The following QRICH2 variants were observed in gnomAD, a reference collection of about 807,000 sequenced individuals.
QRICH2 encodes the protein glutamine rich 2, also known as glutamine-rich protein 2.
In QRICH2, 119 loss-of-function variants were observed where a neutral mutation model predicts 168.3. The ratio of observed to expected loss-of-function variants is 0.71; its 90% CI spans 0.61 to 0.82. QRICH2 has a LOEUF of 0.82. Ranked by LOEUF, QRICH2 falls within the 40% of genes least tolerant of loss-of-function variation. QRICH2 has a pLI of 0.00. For synonymous variants in QRICH2, 894 were observed against 951.2 expected, an observed-to-expected ratio of 0.94 and a Z score of 1.11; for missense variants, 2,241 against 2,491.6, an observed-to-expected ratio of 0.90 and a Z score of 2.14.
At chr17:76,286,389 C>T (rs1472509370) in intron 7 of QRICH2, among the ~76,000 whole-genome samples, 1 of 152,194 alleles carries the variant, frequency 6.6e-6, no homozygotes, top group Non-Finnish European at 1.5e-5. Context: ...GTGAAAGAAG[C>T]CAGATACAAA....
At chr17:76,288,710 A>C (rs893466927) in intron 5 of QRICH2, among the ~76,000 whole-genome samples, 1 of 145,628 alleles carries the variant, frequency 6.9e-6, no homozygotes, top group African/African-American at 2.5e-5. Flanking sequence ...GTCTCAATTT[A>C]AAAAAAAAAA....
intron 3 of QRICH2, among the ~76,000 whole-genome samples, chr17:76,304,030 C>T (rs1417395785): frequency 6.6e-6 from 1 of 152,112 alleles, no homozygotes; most frequent in Non-Finnish European, 1.5e-5. Context: ...CAAATAAAAA[C>T]TACACTCAGG....
rs372719249 is a variant in QRICH2 at position 76,293,562 on chromosome 17, G to T, written c.1165C>A (p.Arg389Ser). 6.2e-7 allele frequency: 1 copy of T among 1,614,076 alleles called. No individual in the cohort carries two copies. Among genetic ancestry groups the T allele is most frequent in the African/African-American group, 1.3e-5 (1 of 74,936 alleles). Reference protein sequence around the residue: ...SQSQVHLRPDRRGLEPTGMNQ... With the variant: ...SQSQVHLRPDSRGLEPTGMNQ... ...ATGCCAGTTGGTTCTAACCCACGAC[G>T]ATCTGGCCTTAGATGGACCTGACTC... Residue 389 changes from arginine (R) to serine (S), a missense_variant, in exon 4 of 19, where the codon CGT becomes AGT. Coordinates refer to ENST00000680821, the MANE Select transcript of QRICH2 (RefSeq NM_001388453.1).
At chr17:76,279,230 GC>G in intron 13 of QRICH2, 88 bp from the exon 14 acceptor site, 1 of 1,346,976 alleles carries the variant, frequency 7.4e-7, no homozygotes, top group Non-Finnish European at 1.0e-6. Flanking sequence ...CTTCCCACCC[GC>G]CCCCGGCCTG....
In QRICH2 at chr17:76,280,782, G is replaced by C; in HGVS notation, c.4386+49C>G. 1.9e-6 allele frequency: 3 copies of C among 1,613,962 alleles called. No individual in the cohort carries two copies. Among genetic ancestry groups the C allele is most frequent in the Non-Finnish European group, 2.5e-6 (3 of 1,179,988 alleles). ...AAGAGCCAGCAGCTGCGGGGCTAGG[G>C]CACCACATTGAGCCCCGGCCCCATC... On this transcript the variant is annotated intron_variant, in intron 9 of 18. Coordinates refer to ENST00000680821, the MANE Select transcript of QRICH2 (RefSeq NM_001388453.1). The surrounding 1 kb of genome is among the most constrained non-coding windows in gnomAD (Gnocchi z 7.4).
rs564806204 is a variant in QRICH2, at chr17:76,276,626, G to A, written c.5353+54C>T. 539 of 1,377,294 alleles carry A rather than the reference G, an allele frequency of 3.9e-4. 6 individuals are homozygous for A. In the South Asian group the frequency reaches 6.0e-3, roughly 15 times the overall value. 85.3% of individuals were successfully genotyped at this position (1,377,294 alleles called of 1,614,324 possible). A position where few individuals can be genotyped will look rare whatever the true frequency, so the allele number is the denominator to read the frequency against. ...AAAAGTGCCAGGCCCCACAATGGAT[G>A]CACGCCCTGTGGGACCCACGTGAGG... is the stretch of plus-strand genomic sequence containing the variant. On this transcript the variant is annotated intron_variant, in intron 17 of 18. Coordinates refer to ENST00000680821, the MANE Select transcript of QRICH2 (RefSeq NM_001388453.1).
At position 76,292,087 on chromosome 17, in the gene QRICH2, A is replaced by G; in HGVS notation, c.2640T>C (p.Gly880=). Residue 880 remains glycine, a synonymous_variant, in exon 4 of 19, where the codon GGT becomes GGC. Transcript: ENST00000680821. ...GLVQPGVDQR[G]LVQPGMDQRG... ...GCTGGTCCATTCCAGGTTGGACCAA[A>G]CCACGCTGATCCACTCCAGGTTGCA... 1 of 1,613,104 alleles carries G rather than the reference A, an allele frequency of 6.2e-7. No individual in the cohort carries two copies. The highest frequency in any genetic ancestry group is 8.5e-7 in the Non-Finnish European group (1 of 1,179,222).
At chr17:76,289,866 C>T (rs749693211) in intron 5 of QRICH2, 126 bp downstream of exon 5, 31 of 580,440 alleles carry the variant, frequency 5.3e-5, no homozygotes, top group Non-Finnish European at 8.5e-5. Flanking sequence ...GCATGAGAAT[C>T]GCTTGAACCT....
At chr17:76,301,962 C>T (rs996780270) in intron 3 of QRICH2, among the ~76,000 whole-genome samples, 4 of 150,954 alleles carry the variant, frequency 2.6e-5, no homozygotes, top group African/African-American at 9.7e-5. Flanking sequence ...TGCAGTGGCA[C>T]GATCTTAGCT....
Position 76,307,804 on chromosome 17 carries a change from C to T in QRICH2, c.195G>A (p.Arg65=). The T allele has an allele frequency of 7.5e-7, 1 of 1,336,390 alleles. No homozygotes were observed. The highest frequency in any genetic ancestry group is 2.1e-5 in the South Asian group (1 of 48,228). The allele number at this position is 1,336,390 out of a possible 1,614,324, so 82.8% of individuals were successfully genotyped here. A position where few individuals can be genotyped will look rare whatever the true frequency, so the allele number is the denominator to read the frequency against. The change falls in exon 1 of 19, where the codon CGG becomes CGA. Residue 65 remains arginine, a synonymous_variant. Transcript: ENST00000680821. This position sits in a 1 kb window ranked among gnomAD's most constrained non-coding sequence, Gnocchi z 5.3. The part of the protein sequence containing the change: ...PEPSRSLQSV[R]SSFSIPHLPA... Reference sequence around the variant, plus strand: ...GCAGGTGCGGGATGCTGAACGAGCTCCGGACGGACTGCAGCGAGCGGCTGG... The same window carrying T: ...GCAGGTGCGGGATGCTGAACGAGCTTCGGACGGACTGCAGCGAGCGGCTGG...
intron 15 of QRICH2, 142 bp from the exon 16 acceptor site, chr17:76,277,452 G>A (rs1013917076): frequency 5.6e-5 from 56 of 994,986 alleles, no homozygotes; most frequent in Non-Finnish European, 8.2e-5. Context: ...CAGGGGCCCA[G>A]AACAGGCGGG....
intron 12 of QRICH2, 22 bp from the exon 13 acceptor site, chr17:76,279,450 C>T (rs376057186): frequency 7.3e-5 from 116 of 1,596,606 alleles, no homozygotes; most frequent in Middle Eastern, 1.7e-4. Flanking sequence ...GGGACGCACA[C>T]GCAGGGTGAG....
intron 7 of QRICH2, among the ~76,000 whole-genome samples, chr17:76,283,352 G>A (rs1458419937): frequency 6.6e-6 from 1 of 152,014 alleles, no homozygotes; most frequent in Non-Finnish European, 1.5e-5. Context: ...CTAAAGATGG[G>A]GCATGTGGAA....
rs1355820934 is a variant in QRICH2, at chr17:76,307,311, T to C, written c.534+154A>G. 1.3e-5 allele frequency among the ~76,000 whole-genome samples: 2 copies of C among 152,086 alleles called. No homozygotes were observed. Among genetic ancestry groups the C allele is most frequent in the Non-Finnish European group, 2.9e-5 (2 of 67,986 alleles). On this transcript the variant is annotated intron_variant, in intron 1 of 18. Coordinates refer to ENST00000680821, the MANE Select transcript of QRICH2 (RefSeq NM_001388453.1). The surrounding 1 kb of genome is among the most constrained non-coding windows in gnomAD (Gnocchi z 5.3). ...AAGGTAGAGCATGGGCCACTCTATT[T>C]AGCCAGTCGCACTGAGGTCTGGCAC...
In QRICH2 at chr17:76,280,595, A is replaced by C; in HGVS notation, c.4461+59T>G. 6.2e-7 allele frequency: 1 copy of C among 1,606,362 alleles called. No individual in the cohort carries two copies. The highest frequency in any genetic ancestry group is 8.5e-7 in the Non-Finnish European group (1 of 1,173,326). On this transcript the variant is annotated intron_variant, in intron 10 of 18. Coordinates refer to ENST00000680821, the MANE Select transcript of QRICH2 (RefSeq NM_001388453.1). The surrounding 1 kb of genome is among the most constrained non-coding windows in gnomAD (Gnocchi z 7.4). ...CAGCTCCCCTCCACTCAGTCTCTCA[A>C]AGAACAGTCAGCGAGACCGCCCTGG...
intron 3 of QRICH2, among the ~76,000 whole-genome samples, chr17:76,299,896 C>T (rs564230236): frequency 5.3e-5 from 8 of 151,372 alleles, no homozygotes; most frequent in Non-Finnish European, 5.9e-5. Flanking sequence ...GATGCGATCT[C>T]GGCTCACTGC....
At chr17:76,290,130 C>T in intron 4 of QRICH2, 53 bp from the exon 5 acceptor site, 1 of 1,340,816 alleles carries the variant, frequency 7.5e-7, no homozygotes, top group Non-Finnish European at 1.1e-6. Flanking sequence ...TAGTGGGCTC[C>T]CAATCTCCAT....
chr17:76,287,328 TGCCAGACTCCACACTCAG>T (rs1234361865), intron 6 of QRICH2, 22 bp from the exon 7 acceptor site: 1 of 1,561,416 alleles, frequency 6.4e-7, no homozygotes, highest in East Asian at 2.2e-5. Flanking sequence ...GATGAGAGAC[TGCCAGACTCCACACTCAG>T]GCCAGACCCA....
At chr17:76,282,199 G>A (rs1440511763) in intron 7 of QRICH2, 84 bp from the exon 8 acceptor site, 4 of 1,480,226 alleles carry the variant, frequency 2.7e-6, no homozygotes, top group Non-Finnish European at 2.7e-6. Context: ...CCCCTAGCCT[G>A]TGTGCCTCTC....
Sources: gnomAD v4.1 joint callset for allele counts (sites outside exome capture counted in the v4.1 genomes callset) on GRCh38, gnomAD v4.1.1 for gene constraint, Gnocchi (gnomAD v3.1) non-coding constraint, MANE v1.5 for transcripts, NCBI Gene and HGNC (gene_info 2026-07-23, HGNC 2026-07-21) for gene names.